The following ERI1 variants were observed in gnomAD, a reference collection of about 807,000 sequenced individuals.
ERI1 encodes 3'-5' exoribonuclease 1.
In ERI1, 39 loss-of-function variants were observed where a neutral mutation model predicts 39.7. That is an observed-to-expected ratio of 0.98 (90% confidence interval 0.76 to 1.28). ERI1 has a LOEUF of 1.28. ERI1 is among the 50% of genes most tolerant of loss of function. ERI1 has a pLI of 0.00. For missense variants in ERI1, 581 were observed against 416.9 expected (o/e 1.39, Z -3.43); for synonymous variants, 204 against 149.6 (o/e 1.36, Z -2.65).
intron 1 of ERI1, among the ~76,000 whole-genome samples, chr8:9,004,623 C>G (rs2117166396): frequency 6.6e-6 from 1 of 151,112 alleles, no homozygotes; most frequent in African/African-American, 2.4e-5. Context: ...GTGATCGTGC[C>G]ACTGCACTCC....
rs1797483895 is a variant in ERI1, at chr8:9,030,133, T to G, written c.*99T>G. On this transcript the variant is annotated 3_prime_UTR_variant, in exon 7 of 7. Coordinates refer to ENST00000250263, the MANE Select transcript of ERI1 (RefSeq NM_153332.4). ...TCCTGTAGTGCAAACTTTAAGCACCTTAAAACATTTAAAATCTTATTACAG... is the reference window on the plus strand; with the variant it reads ...TCCTGTAGTGCAAACTTTAAGCACCGTAAAACATTTAAAATCTTATTACAG... The G allele has an allele frequency of 1.4e-6, 2 of 1,419,252 alleles. No individual in the cohort carries two copies. The highest frequency in any genetic ancestry group is 2.1e-4 in the Middle Eastern group (1 of 4,706). The allele number at this position is 1,419,252 out of a possible 1,614,324, so 87.9% of individuals were successfully genotyped here.
intron 3 of ERI1, among the ~76,000 whole-genome samples, chr8:9,039,978 G>C (rs942791325): frequency 6.6e-6 from 1 of 152,080 alleles, no homozygotes; most frequent in Non-Finnish European, 1.5e-5. Context: ...ATTATTCCAA[G>C]TACAATTAAA....
At chr8:9,004,094 T>A in intron 1 of ERI1, 1 of 1,289,350 alleles carries the variant, frequency 7.8e-7, no homozygotes, top group South Asian at 1.2e-5. Flanking sequence ...TGCCTTGTGT[T>A]CTTTGACATT....
At chr8:9,068,194 C>T (rs916484247) in intron 3 of ERI1, among the ~76,000 whole-genome samples, 1 of 152,150 alleles carries the variant, frequency 6.6e-6, no homozygotes, top group African/African-American at 2.4e-5. Flanking sequence ...GTATTATATA[C>T]AATTGACCTG....
intron 3 of ERI1, among the ~76,000 whole-genome samples, chr8:9,058,990 G>A (rs1798603036): frequency 6.6e-6 from 1 of 152,108 alleles, no homozygotes; most frequent in Non-Finnish European, 1.5e-5. Flanking sequence ...CCTGGGTACA[G>A]GTGGGCTGAG....
intron 4 of ERI1, among the ~76,000 whole-genome samples, chr8:9,017,176 A>G (rs1000729223): frequency 6.6e-6 from 1 of 152,144 alleles, no homozygotes; most frequent in Non-Finnish European, 1.5e-5. Flanking sequence ...AGTAGCTGAG[A>G]CTATAGGCAC....
chr8:9,018,192 C>G, intron 4 of ERI1, 105 bp from the exon 5 acceptor site: 1 of 567,282 alleles, frequency 1.8e-6, no homozygotes, highest in African/African-American at 1.9e-5. Flanking sequence ...AAAGTATCAG[C>G]CTTTCTCATA....
intron 3 of ERI1, among the ~76,000 whole-genome samples, chr8:9,055,854 C>A (rs971471586): frequency 6.6e-6 from 1 of 152,094 alleles, no homozygotes; most frequent in African/African-American, 2.4e-5. Flanking sequence ...TATTTTTAAG[C>A]TTTATAGCTA....
At position 9,030,063 on chromosome 8, in the gene ERI1, TTGAAG is replaced by T. The variant is rs769205330; in HGVS notation, c.*31_*35del. 36 of 1,607,932 alleles carry T rather than the reference TTGAAG, an allele frequency of 2.2e-5. No homozygotes were observed. The East Asian group carries it at 8.0e-4, about 36-fold the overall frequency. On this transcript the variant is annotated 3_prime_UTR_variant, in exon 7 of 7. Transcript: ENST00000250263. The stretch of plus-strand genomic sequence containing the variant: ...CAGTTTTGTGTGTGGATCATTCCAA[TTGAAG>T]TTGCTATGAAGAGGTAGCAGATGAA...
Position 9,011,735 on chromosome 8 carries a change from A to C in ERI1, c.481A>C (p.Thr161Pro). ...TGAATTTCCGGTTGTTTTACTGAATACGCATACTTTAGAAATAGTAAGTGA... is the reference window on the plus strand; with the variant it reads ...TGAATTTCCGGTTGTTTTACTGAATCCGCATACTTTAGAAATAGTAAGTGA... ...IIEFPVVLLN[T>P]HTLEIEDTFQ... Residue 161 changes from threonine to proline, a missense_variant, in exon 3 of 7, where the codon ACG (threonine) becomes CCG (proline). Physicochemically the swap from Thr to Pro is conservative, Grantham distance 38 (BLOSUM62 -1). Transcript: ENST00000250263. The C allele has an allele frequency of 6.2e-7, 1 of 1,603,804 alleles. No homozygotes were observed. The highest frequency in any genetic ancestry group is 8.5e-7 in the Non-Finnish European group (1 of 1,174,152).
chr8:9,057,929 G>C (rs1463560041), intron 3 of ERI1, among the ~76,000 whole-genome samples: 1 of 152,156 alleles, frequency 6.6e-6, no homozygotes, highest in Non-Finnish European at 1.5e-5. Flanking sequence ...CAAGCAATCG[G>C]AGTAATAGGA....
At chr8:9,046,494 C>G (rs1432696128) in intron 3 of ERI1, among the ~76,000 whole-genome samples, 2 of 152,184 alleles carry the variant, frequency 1.3e-5, no homozygotes, top group Non-Finnish European at 2.9e-5. Flanking sequence ...ATTCCCCTCT[C>G]CGGCTAAGGA....
chr8:9,035,541 G>T (rs1004781664), downstream of ERI1, among the ~76,000 whole-genome samples: 2 of 152,044 alleles, frequency 1.3e-5, no homozygotes, highest in Non-Finnish European at 2.9e-5. Context: ...GAAGCCTGCT[G>T]TTGAGACTTA....
chr8:9,069,944 A>G (rs1467002832), intron 3 of ERI1, among the ~76,000 whole-genome samples: 2 of 152,290 alleles, frequency 1.3e-5, no homozygotes, highest in East Asian at 1.9e-4. Flanking sequence ...TTAATTTTAA[A>G]TAGTCTATTA....
At chr8:9,044,856 T>G (rs1341713527) in intron 3 of ERI1, among the ~76,000 whole-genome samples, 5 of 152,110 alleles carry the variant, frequency 3.3e-5, no homozygotes, top group African/African-American at 1.2e-4. Context: ...CACACCTGCA[T>G]CATCATCTTG....
chr8:9,010,816 C>G (rs976682142), intron 2 of ERI1, among the ~76,000 whole-genome samples: 1 of 152,114 alleles, frequency 6.6e-6, no homozygotes, highest in South Asian at 2.1e-4. Context: ...TCTCTCCTCC[C>G]CACTACTCCA....
chr8:9,074,096 T>A (rs1050109824), intron 3 of ERI1, among the ~76,000 whole-genome samples: 1 of 150,638 alleles, frequency 6.6e-6, no homozygotes, highest in Non-Finnish European at 1.5e-5. Context: ...CCATACTTTT[T>A]TGTGTGTGTT....
intron 3 of ERI1, among the ~76,000 whole-genome samples, chr8:9,088,844 A>G (rs752377437): frequency 1.1e-4 from 16 of 152,190 alleles, no homozygotes; most frequent in Non-Finnish European, 1.9e-4. Flanking sequence ...GGAGTTGACA[A>G]TGAGTGTCTC....
At chr8:9,015,671 G>C (rs1052801068) in intron 3 of ERI1, among the ~76,000 whole-genome samples, 1 of 137,798 alleles carries the variant, frequency 7.3e-6, no homozygotes, top group Non-Finnish European at 1.5e-5. Flanking sequence ...GCAGTGAGCC[G>C]AGATTGTGGC....
Sources: allele counts gnomAD v4.1 joint callset (sites outside exome capture counted in the v4.1 genomes callset), GRCh38; gene constraint gnomAD v4.1.1; transcripts MANE v1.5; gene names NCBI Gene and HGNC (gene_info 2026-07-23, HGNC 2026-07-21).